SUMF1: variants seen among roughly 807,000 people sequenced by gnomAD.
SUMF1 encodes the protein sulfatase modifying factor 1.
SUMF1 carries 48 observed loss-of-function variants against 47.6 expected under a neutral mutation model. The ratio of observed to expected loss-of-function variants is 1.01; its 90% confidence interval spans 0.80 to 1.28. The LOEUF (loss-of-function observed/expected upper bound fraction) is 1.28, where lower values mean the gene tolerates loss of function less well. SUMF1 is among the 50% of genes most tolerant of loss of function. The probability of loss-of-function intolerance (pLI) is 0.00; values close to 1 mark genes in which losing one functional copy is unlikely to be tolerated. For synonymous variants in SUMF1, 230 were observed against 192.1 expected (o/e 1.20, Z -1.63); for missense variants, 571 against 485.4 (o/e 1.18, Z -1.66).
intron 8 of SUMF1, among the ~76,000 whole-genome samples, chr3:4,364,690 A>G (rs1190715077): frequency 3.5e-4 from 52 of 149,462 alleles, no homozygotes; most frequent in Non-Finnish European, 7.0e-4. Flanking sequence ...TGGATTCATT[A>G]ATTTTTTGAA....
chr3:4,258,650 T>C (rs1697013600), intron 8 of SUMF1, among the ~76,000 whole-genome samples: 1 of 151,540 alleles, frequency 6.6e-6, no homozygotes, highest in African/African-American at 2.4e-5. Context: ...TAGGAACACT[T>C]TTACACTGTT....
intron 8 of SUMF1, among the ~76,000 whole-genome samples, chr3:4,193,112 G>T (rs1370730698): frequency 6.6e-6 from 1 of 152,036 alleles, no homozygotes; most frequent in Non-Finnish European, 1.5e-5. Context: ...TTTCTGCAAT[G>T]ATCATAATGT....
intron 8 of SUMF1, among the ~76,000 whole-genome samples, chr3:4,223,873 C>A (rs879814408): frequency 3.9e-5 from 6 of 152,130 alleles, no homozygotes; most frequent in Admixed American, 1.3e-4. Context: ...ACCAACTGTG[C>A]GACCTGGAAC....
intron 8 of SUMF1, among the ~76,000 whole-genome samples, chr3:4,278,069 A>T (rs1248889245): frequency 1.3e-5 from 2 of 152,246 alleles, no homozygotes; most frequent in Admixed American, 1.3e-4. Context: ...GTATTTTAAC[A>T]TGTTAATTGA....
At chr3:4,439,108 C>T (rs1420153887) in intron 3 of SUMF1, among the ~76,000 whole-genome samples, 2 of 152,312 alleles carry the variant, frequency 1.3e-5, no homozygotes, top group East Asian at 1.9e-4. Context: ...ACTACTATAA[C>T]ACTTGTGGAA....
chr3:4,081,355 G>C (rs1331520775), intron 8 of SUMF1, among the ~76,000 whole-genome samples: 1 of 151,716 alleles, frequency 6.6e-6, no homozygotes, highest in Non-Finnish European at 1.5e-5. Flanking sequence ...CTTCTACTCA[G>C]ATGGGCTTCC....
chr3:4,224,783 T>C (rs1696138209), intron 8 of SUMF1, among the ~76,000 whole-genome samples: 1 of 151,846 alleles, frequency 6.6e-6, no homozygotes, highest in Admixed American at 6.6e-5. Flanking sequence ...ATGTAAAACC[T>C]GAGATAAGAG....
intron 8 of SUMF1, among the ~76,000 whole-genome samples, chr3:4,178,492 C>A (rs547278150): frequency 2.0e-5 from 3 of 152,070 alleles, no homozygotes; most frequent in Non-Finnish European, 4.4e-5. Context: ...ATTCAACAGC[C>A]CTTCATGCTA....
intron 9 of SUMF1, among the ~76,000 whole-genome samples, chr3:4,059,666 C>T (rs1170724824): frequency 3.3e-5 from 5 of 151,524 alleles, no homozygotes; most frequent in South Asian, 4.1e-4. Flanking sequence ...TGAGCAAAAA[C>T]GAAAACAATT....
intron 8 of SUMF1, among the ~76,000 whole-genome samples, chr3:4,156,200 C>G (rs1279534077): frequency 6.6e-6 from 1 of 151,422 alleles, no homozygotes; most frequent in Non-Finnish European, 1.5e-5. Context: ...TTTAATCTAG[C>G]CTGTCTCTCA....
intron 7 of SUMF1, among the ~76,000 whole-genome samples, chr3:4,390,137 G>A (rs888840205): frequency 2.0e-5 from 3 of 152,196 alleles, no homozygotes; most frequent in Non-Finnish European, 4.4e-5. Flanking sequence ...GAAGAGAGAA[G>A]GTGTGATCCT....
At chr3:4,252,607 G>C (rs1182326884) in intron 8 of SUMF1, among the ~76,000 whole-genome samples, 1 of 152,110 alleles carries the variant, frequency 6.6e-6, no homozygotes, top group Non-Finnish European at 1.5e-5. Context: ...AGGTCTCAGA[G>C]AGAGAACAAA....
chr3:4,087,153 G>A (rs983380188), intron 8 of SUMF1, among the ~76,000 whole-genome samples: 1 of 152,124 alleles, frequency 6.6e-6, no homozygotes, highest in Non-Finnish European at 1.5e-5. Context: ...GCTGATAAAG[G>A]TACTGGAAAG....
intron 8 of SUMF1, among the ~76,000 whole-genome samples, chr3:4,153,398 TAG>T (rs1466943492): frequency 6.6e-6 from 1 of 151,318 alleles, no homozygotes; most frequent in Non-Finnish European, 1.5e-5. Context: ...TTATTTTTTG[TAG>T]AGTTAGGATC....
At chr3:4,445,087 G>A (rs146816744) in intron 3 of SUMF1, among the ~76,000 whole-genome samples, 112 of 152,260 alleles carry the variant, frequency 7.4e-4, no homozygotes, top group African/African-American at 2.7e-3. Flanking sequence ...TGATAGATAT[G>A]TTCTAAAATT....
At chr3:4,202,251 T>A (rs1197724070) in intron 8 of SUMF1, among the ~76,000 whole-genome samples, 3 of 152,110 alleles carry the variant, frequency 2.0e-5, no homozygotes, top group African/African-American at 7.2e-5. Flanking sequence ...TAGACTTAAA[T>A]CTTTAATCTA....
chr3:4,143,497 G>A (rs946030622), intron 8 of SUMF1, among the ~76,000 whole-genome samples: 4 of 152,068 alleles, frequency 2.6e-5, no homozygotes, highest in Non-Finnish European at 5.9e-5. Context: ...GTTCACTCTT[G>A]ATATTCCAAT....
intron 3 of SUMF1, among the ~76,000 whole-genome samples, chr3:4,441,732 T>C (rs1171414910): frequency 2.6e-5 from 4 of 152,234 alleles, no homozygotes; most frequent in Non-Finnish European, 5.9e-5. Context: ...TACTCTGTTT[T>C]AAACCATTAA....
intron 3 of SUMF1, among the ~76,000 whole-genome samples, chr3:4,437,560 C>A (rs2125090238): frequency 6.6e-6 from 1 of 152,216 alleles, no homozygotes; most frequent in African/African-American, 2.4e-5. Context: ...AAAGTCTTAA[C>A]TGAAAGACAA....
Sources: allele counts gnomAD v4.1 joint callset (sites outside exome capture counted in the v4.1 genomes callset), GRCh38; gene constraint gnomAD v4.1.1; transcripts MANE v1.5; gene names NCBI Gene and HGNC (gene_info 2026-07-23, HGNC 2026-07-21).